Variants in COMMD1 observed in about 807,000 individuals in gnomAD.
COMMD1 encodes the protein COMM domain-containing protein 1.
Under a neutral mutation model 17.2 loss-of-function variants are expected in COMMD1, and 10 were observed. The observed-to-expected ratio is 0.58, with a 90% CI of 0.36 to 0.99. The LOEUF is 0.99. Ranked by LOEUF, COMMD1 falls within the 50% of genes least tolerant of loss-of-function variation. The pLI, the probability that COMMD1 is intolerant of heterozygous loss-of-function variation, is 0.01. For missense variants in COMMD1, 270 were observed against 231.8 expected (o/e 1.17, Z -1.07); for synonymous variants, 97 against 91.6 (o/e 1.06, Z -0.34).
At chr2:61,890,026 G>A (rs530772072) in intron 1 of COMMD1, among the ~76,000 whole-genome samples, 2 of 152,150 alleles carry the variant, frequency 1.3e-5, no homozygotes, top group African/African-American at 4.8e-5. Context: ...AGGACCAGAA[G>A]CCATGAGCTA....
intron 2 of COMMD1, among the ~76,000 whole-genome samples, chr2:62,005,672 A>G (rs902161240): frequency 6.6e-6 from 1 of 152,132 alleles, no homozygotes; most frequent in Non-Finnish European, 1.5e-5. Flanking sequence ...TTAGAATGGC[A>G]ATCATTAAAA....
chr2:61,907,729 T>C (rs7355539), intron 1 of COMMD1, among the ~76,000 whole-genome samples: 18,608 of 152,088 alleles, frequency 0.12, 2,714 homozygotes, highest in African/African-American at 0.35. Flanking sequence ...TTGCTTTTGT[T>C]GCCCAGGCTG....
At chr2:61,915,832 G>GT in intron 1 of COMMD1, 3 of 326,140 alleles carry the variant, frequency 9.2e-6, no homozygotes, top group Non-Finnish European at 1.8e-5. Context: ...ATTTTATTTA[G>GT]TTTTTTTGAT....
chr2:61,943,262 C>G (rs1670800966), intron 1 of COMMD1, among the ~76,000 whole-genome samples: 1 of 152,184 alleles, frequency 6.6e-6, no homozygotes, highest in Non-Finnish European at 1.5e-5. Context: ...CCTGGCATGC[C>G]CTTCCATTAC....
intron 2 of COMMD1, among the ~76,000 whole-genome samples, chr2:62,051,865 T>G (rs1174124017): frequency 6.6e-6 from 1 of 152,230 alleles, no homozygotes; most frequent in Non-Finnish European, 1.5e-5. Context: ...ATAGCAACTA[T>G]TAGCATTCGG....
intron 2 of COMMD1, among the ~76,000 whole-genome samples, chr2:62,008,361 G>C (rs1214933133): frequency 1.4e-5 from 2 of 146,548 alleles, no homozygotes; most frequent in South Asian, 2.2e-4. Flanking sequence ...CACACAGACA[G>C]ACACACACAC....
intron 1 of COMMD1, among the ~76,000 whole-genome samples, chr2:61,948,217 T>G (rs1670960742): frequency 6.6e-6 from 1 of 152,182 alleles, no homozygotes; most frequent in African/African-American, 2.4e-5. Context: ...CAAGCAACCC[T>G]CCCACCTTTG....
At chr2:62,111,664 A>G (rs1261892748) in intron 2 of COMMD1, among the ~76,000 whole-genome samples, 1 of 152,132 alleles carries the variant, frequency 6.6e-6, no homozygotes, top group Non-Finnish European at 1.5e-5. Flanking sequence ...TCTGGTTTCT[A>G]TGACTTGAAA....
In COMMD1 at chr2:62,106,072, G is replaced by A. The variant is rs148139364; in HGVS notation, c.463-29759G>A. Among the ~76,000 whole-genome samples, 244 of 152,124 alleles carry A rather than the reference G, an allele frequency of 1.6e-3. 2 individuals carry two copies. The highest frequency in any genetic ancestry group is 5.5e-3 in the African/African-American group (229 of 41,486). On this transcript the variant is annotated intron_variant, in intron 2 of 2. Coordinates refer to ENST00000311832, the MANE Select transcript of COMMD1 (RefSeq NM_152516.4). The stretch of plus-strand genomic sequence containing the variant: ...GTGCAGTGGTGTGAACATAGCTCAC[G>A]TCCAGCCTCAAAATCCTGTACTCAA...
chr2:62,078,583 G>C (rs953949004), intron 2 of COMMD1, among the ~76,000 whole-genome samples: 3 of 147,110 alleles, frequency 2.0e-5, no homozygotes, highest in Non-Finnish European at 3.0e-5. Context: ...AGAAAAAATG[G>C]TGGGGCCAGG....
rs1032923835 is a variant in COMMD1, at chr2:61,893,666, T to A, written n.119+4824T>A. 2.6e-5 allele frequency among the ~76,000 whole-genome samples: 4 copies of A among 152,004 alleles called. No individual in the cohort carries two copies. In the East Asian group the frequency reaches 7.7e-4, roughly 29 times the overall value. ...CTGTCTCTACTAAAAATACAAAAAT[T>A]AGCTGGGCATGGTGGCACATGCCTA... On this transcript the variant is annotated intron_variant and non_coding_transcript_variant, in intron 1 of 2. Transcript: ENST00000472729.
intron 1 of COMMD1, among the ~76,000 whole-genome samples, chr2:61,970,335 TA>T (rs1319583807): frequency 2.0e-5 from 3 of 151,972 alleles, no homozygotes; most frequent in East Asian, 3.9e-4. Flanking sequence ...AAAAAATTAT[TA>T]AAAAGGATAT....
chr2:61,922,330 G>A (rs1438619508), intron 1 of COMMD1, among the ~76,000 whole-genome samples: 1 of 152,062 alleles, frequency 6.6e-6, no homozygotes, highest in Non-Finnish European at 1.5e-5. Context: ...TTGTTTGTTT[G>A]TTTTGAGATG....
chr2:62,075,486 A>G (rs902557479), intron 2 of COMMD1, among the ~76,000 whole-genome samples: 3 of 152,192 alleles, frequency 2.0e-5, no homozygotes, highest in African/African-American at 7.2e-5. Flanking sequence ...TCTATAATGT[A>G]TCACCCTCTG....
chr2:62,010,643 CAGTT>C (rs1434672238), intron 2 of COMMD1, among the ~76,000 whole-genome samples: 2 of 152,154 alleles, frequency 1.3e-5, no homozygotes, highest in Non-Finnish European at 2.9e-5. Flanking sequence ...TTTCTCATCT[CAGTT>C]AGTGGCACCT....
rs192193599 is a variant in COMMD1, at chr2:62,024,151, A to C, written c.462+23169A>C. On this transcript the variant is annotated intron_variant, in intron 2 of 2. Coordinates refer to ENST00000311832, the MANE Select transcript of COMMD1 (RefSeq NM_152516.4). Reference sequence around the variant, plus strand: ...AATATTTTGCATAGGAAAAAGTACCAAAAGAAAATACATGAAAAGTGTTCA... The same window carrying C: ...AATATTTTGCATAGGAAAAAGTACCCAAAGAAAATACATGAAAAGTGTTCA... Among the ~76,000 whole-genome samples, 335 of 152,366 alleles carry C rather than the reference A, an allele frequency of 2.2e-3. 2 individuals carry two copies. Among genetic ancestry groups the C allele is most frequent in the African/African-American group, 7.6e-3 (315 of 41,586 alleles).
chr2:62,072,347 A>G (rs1671219620), intron 2 of COMMD1, among the ~76,000 whole-genome samples: 1 of 151,998 alleles, frequency 6.6e-6, no homozygotes, highest in Non-Finnish European at 1.5e-5. Flanking sequence ...AGGCCCACCC[A>G]TGGACCAATC....
chr2:62,034,088 C>CAAAA (rs34439318), intron 2 of COMMD1, among the ~76,000 whole-genome samples: 35 of 62,414 alleles, frequency 5.6e-4, no homozygotes, highest in African/African-American at 8.9e-4. Context: ...GACCCTGTCT[C>CAAAA]AAAAAAAAAA....
intron 1 of COMMD1, among the ~76,000 whole-genome samples, chr2:61,927,825 G>C (rs1211898577): frequency 6.6e-6 from 1 of 152,022 alleles, no homozygotes; most frequent in Non-Finnish European, 1.5e-5. Context: ...GCCCAGGCTG[G>C]AGTGCAATGG....
Sources: gnomAD v4.1 joint callset for allele counts (sites outside exome capture counted in the v4.1 genomes callset) on GRCh38, gnomAD v4.1.1 for gene constraint, MANE v1.5 for transcripts, NCBI Gene and HGNC (gene_info 2026-07-23, HGNC 2026-07-21) for gene names.